The following SCRIB variants were observed in gnomAD, a reference collection of about 807,000 sequenced individuals.
The protein encoded by SCRIB is scribble planar cell polarity protein.
A neutral mutation model predicts 170.0 loss-of-function variants in SCRIB; 72 were observed. The observed-to-expected ratio is 0.42, with a 90% CI of 0.35 to 0.52. The LOEUF (loss-of-function observed/expected upper bound fraction) is 0.52. Among genes scored for constraint, SCRIB ranks in the 20% least tolerant of loss-of-function variants. The pLI, the probability that SCRIB is intolerant of heterozygous loss-of-function variation, is 0.02. For missense variants in SCRIB, 2,475 were observed against 2,338.5 expected (o/e 1.06, Z -1.20); for synonymous variants, 1,298 against 1,044.3 (o/e 1.24, Z -4.68).
chr8:143,804,584 C>G lies in SCRIB; in HGVS notation c.2993G>C (p.Gly998Ala). 1 of 1,512,782 alleles carries G rather than the reference C, an allele frequency of 6.6e-7. No homozygotes were observed. The highest frequency in any genetic ancestry group is 2.3e-5 in the East Asian group (1 of 43,986). The allele number at this position is 1,512,782 out of a possible 1,614,324, so 93.7% of individuals were successfully genotyped here. A position where few individuals can be genotyped will look rare whatever the true frequency, so the allele number is the denominator to read the frequency against. Reference protein sequence around the residue: ...APSLLAAALEGPYPVEEIRLP... With the variant: ...APSLLAAALEAPYPVEEIRLP... ...GTGTCTCACCTCCACTGGGTATGGC[C>G]CTTCCAACGCGGCAGCCAGCAGGCT... Residue 998 changes from glycine to alanine, a missense_variant, in exon 21 of 37, where the codon GGG becomes GCG. Coordinates refer to ENST00000356994, the MANE Select transcript of SCRIB (RefSeq NM_182706.5).
At chr8:143,800,790 C>T (rs537539813) in intron 24 of SCRIB, among the ~76,000 whole-genome samples, 12 of 152,348 alleles carry the variant, frequency 7.9e-5, no homozygotes, top group African/African-American at 2.2e-4. Context: ...GTGGGAGGAT[C>T]GCTTGAGCCC....
chr8:143,809,525 C>G (rs1815605865), intron 14 of SCRIB, 26 bp downstream of exon 14: 2 of 1,597,090 alleles, frequency 1.3e-6, no homozygotes, highest in Admixed American at 1.7e-5. Context: ...GGCCCAGCCT[C>G]CTGCCTCCTT....
In SCRIB at chr8:143,815,427, G is replaced by A. The variant is rs1436137324; in HGVS notation, c.-55C>T. 2.4e-6 allele frequency: 3 copies of A among 1,225,434 alleles called. No homozygotes were observed. Among genetic ancestry groups the A allele is most frequent in the African/African-American group, 1.6e-5 (1 of 63,008 alleles). 75.9% of individuals were successfully genotyped at this position (1,225,434 alleles called of 1,614,324 possible). On this transcript the variant is annotated 5_prime_UTR_variant, in exon 1 of 37. Coordinates refer to ENST00000356994, the MANE Select transcript of SCRIB (RefSeq NM_182706.5). ...GCGGCGCTCGGCGGGCTCGGGGCCG[G>A]GGGGCGGGGCTCAGTCCGCATGGGC...
chr8:143,792,207 C>T lies in SCRIB; in HGVS notation c.4514+13G>A, dbSNP rs1344362349. On this transcript the variant is annotated intron_variant, in intron 32 of 36. Coordinates refer to ENST00000356994, the MANE Select transcript of SCRIB (RefSeq NM_182706.5). Reference sequence around the variant, plus strand: ...GCAGCAGGGCGGGGTGGCGACCCCACACAGGGGCTCACCTGGCTGCCCTCC... The same window carrying T: ...GCAGCAGGGCGGGGTGGCGACCCCATACAGGGGCTCACCTGGCTGCCCTCC... 4 of 1,553,990 alleles carry T rather than the reference C, an allele frequency of 2.6e-6. No homozygotes were observed. Among genetic ancestry groups the T allele is most frequent in the Non-Finnish European group, 3.5e-6 (4 of 1,156,066 alleles).
chr8:143,813,952 C>T, intron 2 of SCRIB, 49 bp downstream of exon 2: 1 of 1,585,408 alleles, frequency 6.3e-7, no homozygotes, highest in South Asian at 1.1e-5. Flanking sequence ...GTCTGCAGCC[C>T]CAGCGGACAC....
rs1814726534 is a variant in SCRIB, at chr8:143,792,329, C to T, written c.4405G>A (p.Glu1469Lys). 4 of 1,547,084 alleles carry T rather than the reference C, an allele frequency of 2.6e-6. No individual in the cohort carries two copies. The highest frequency in any genetic ancestry group is 3.5e-6 in the Non-Finnish European group (4 of 1,153,034). The change falls in exon 32 of 37, where the codon GAG becomes AAG. Residue 1469 changes from glutamate (E) to lysine (K), a missense_variant. Around this residue, in one of 3 missense-constraint regions of SCRIB, gnomAD observed 1,966 missense variants for 1,742.9 expected, o/e 1.13. Transcript: ENST00000356994. ...TCCGGACTCTGCACGCGCAGCCGCT[C>T]CTGGTGGCGCCGTTCAGCTTTGGCC... ...RTAKAERRHQ[E>K]RLRVQSPEPP...
In SCRIB at chr8:143,812,769, A is replaced by G. The variant is rs764598117; in HGVS notation, c.787+48T>C. ...AGCCCCGACGCCCCACGCTCCTCCC[A>G]GGGCCAGGCTCCGTGTGCCCCACCC... On this transcript the variant is annotated intron_variant, in intron 8 of 36. Coordinates refer to ENST00000356994, the MANE Select transcript of SCRIB (RefSeq NM_182706.5). 1.9e-6 allele frequency: 3 copies of G among 1,583,142 alleles called. No individual in the cohort carries two copies. In the East Asian group the frequency reaches 6.7e-5, roughly 36 times the overall value.
intron 27 of SCRIB, chr8:143,794,207 G>C: frequency 1.9e-6 from 1 of 523,364 alleles, no homozygotes; most frequent in East Asian, 2.9e-5. Context: ...CTGGAGCTTT[G>C]CAGGAGAGAT....
chr8:143,810,934 C>G lies in SCRIB; in HGVS notation c.1245G>C (p.Leu415Phe). The G allele has an allele frequency of 6.2e-7, 1 of 1,611,936 alleles. No homozygotes were observed. The highest frequency in any genetic ancestry group is 1.1e-5 in the South Asian group (1 of 91,078). Residue 415 changes from leucine to phenylalanine, a missense_variant, in exon 11 of 37, where the codon TTG becomes TTC. Transcript: ENST00000356994. ...GGCTGGGTGGGGGCTGCTGGGGCAG[C>G]AAGTAGCAGGTGAGCACCTTCTCGC... ...RTGEKVLTCY[L>F]LPQQPPPSLE...
intron 24 of SCRIB, among the ~76,000 whole-genome samples, chr8:143,795,814 C>T (rs1183406001): frequency 1.3e-5 from 2 of 152,232 alleles, no homozygotes; most frequent in African/African-American, 4.8e-5. Flanking sequence ...TGATGCCTGC[C>T]ACTCTGCTGA....
intron 17 of SCRIB, 122 bp from the exon 18 acceptor site, chr8:143,806,606 G>A (rs1815436823): frequency 1.3e-6 from 1 of 790,164 alleles, no homozygotes; most frequent in Admixed American, 2.2e-5. Context: ...GCCAGCAGGA[G>A]GACTGAGCTC....
chr8:143,812,231 G>A, intron 9 of SCRIB, 35 bp downstream of exon 9: 1 of 1,357,370 alleles, frequency 7.4e-7, no homozygotes, highest in Non-Finnish European at 1.1e-6. Context: ...ACCCCCGACG[G>A]CCCCATCCTT....
chr8:143,815,094 C>G, intron 1 of SCRIB, 120 bp downstream of exon 1: 1 of 1,191,042 alleles, frequency 8.4e-7, no homozygotes. Context: ...GGGGACCTGG[C>G]CAGTGCAAAC....
At chr8:143,802,056 A>G (rs1057115133) in intron 24 of SCRIB, among the ~76,000 whole-genome samples, 2 of 152,242 alleles carry the variant, frequency 1.3e-5, no homozygotes, top group African/African-American at 4.8e-5. Flanking sequence ...ACGAGTAAAT[A>G]TATCGAATGA....
At chr8:143,808,261 A>G (rs1304306425) in intron 15 of SCRIB, among the ~76,000 whole-genome samples, 3 of 152,068 alleles carry the variant, frequency 2.0e-5, no homozygotes, top group Non-Finnish European at 4.4e-5. Context: ...AGGTCGGGCA[A>G]ATACTGGCCA....
Position 143,792,317 on chromosome 8 carries a change from C to G in SCRIB, c.4417G>C (p.Val1473Leu). 1.9e-6 allele frequency: 3 copies of G among 1,551,134 alleles called. No homozygotes were observed. Among genetic ancestry groups the G allele is most frequent in the Non-Finnish European group, 2.6e-6 (3 of 1,155,356 alleles). The change falls in exon 32 of 37, where the codon GTG becomes CTG. Residue 1473 changes from valine (V) to leucine (L), a missense_variant. Val to Leu is a conservative substitution (Grantham distance 32). This residue lies in a region of SCRIB where 1,966 missense variants were observed against 1,742.9 expected (regional missense o/e 1.13). Transcript: ENST00000356994. ...AERRHQERLR[V>L]QSPEPPAPER... ...GGTGCCGGTGGCTCCGGACTCTGCACGCGCAGCCGCTCCTGGTGGCGCCGT... is the reference window on the plus strand; with the variant it reads ...GGTGCCGGTGGCTCCGGACTCTGCAGGCGCAGCCGCTCCTGGTGGCGCCGT...
intron 28 of SCRIB, 94 bp from the exon 29 acceptor site, chr8:143,793,177 C>G: frequency 4.4e-6 from 3 of 689,376 alleles, no homozygotes; most frequent in South Asian, 5.2e-5. Context: ...GCCTGTCCCC[C>G]CGCCTGCCTT....
rs372882116 is a variant in SCRIB, at chr8:143,794,140, C to A, written c.3847-178G>T. 2,173 of 604,766 alleles carry A rather than the reference C, an allele frequency of 3.6e-3. 5 individuals carry two copies. The highest frequency in any genetic ancestry group is 4.2e-3 in the Non-Finnish European group (1,427 of 342,682). The allele number at this position is 604,766 out of a possible 1,614,324, so 37.5% of individuals were successfully genotyped here. A position where few individuals can be genotyped will look rare whatever the true frequency, so the allele number is the denominator to read the frequency against. ...CAGCACGGAGGGGCTCGTCCCCGTTCCCACAGGATGCGGGGGCCTGGGCTG... is the reference window on the plus strand; with the variant it reads ...CAGCACGGAGGGGCTCGTCCCCGTTACCACAGGATGCGGGGGCCTGGGCTG... On this transcript the variant is annotated intron_variant, in intron 27 of 36. Coordinates refer to ENST00000356994, the MANE Select transcript of SCRIB (RefSeq NM_182706.5).
In SCRIB at chr8:143,808,942, G is replaced by T. The variant is rs376390625; in HGVS notation, c.1782C>A (p.Thr594=). ...IEEGQPEAPW[T]LPGGRQRLIR... is the part of the protein sequence containing the mutation. ...TGAGCCGCTGCCTCCCGCCTGGCAG[G>T]GTCCAGGGGGCCTCAGGCTGCCCCT... Residue 594 remains threonine, a synonymous_variant, in exon 15 of 37, where the codon ACC becomes ACA. Transcript: ENST00000356994. 6.2e-7 allele frequency: 1 copy of T among 1,612,652 alleles called. No homozygotes were observed. The highest frequency in any genetic ancestry group is 1.3e-5 in the African/African-American group (1 of 75,056).
Sources: gnomAD v4.1 joint callset for allele counts (sites outside exome capture counted in the v4.1 genomes callset) on GRCh38, gnomAD v4.1.1 for gene constraint, gnomAD v4.1.1 regional missense constraint, MANE v1.5 for transcripts, NCBI Gene and HGNC (gene_info 2026-07-23, HGNC 2026-07-21) for gene names.